Variants in HYAL4 observed in about 807,000 individuals in gnomAD.
HYAL4 encodes hyaluronidase-4.
Under a neutral mutation model 35.2 loss-of-function variants are expected in HYAL4, and 37 were observed. That is an observed-to-expected ratio of 1.05 (90% confidence interval 0.81 to 1.38). The LOEUF is 1.38. Among genes scored for constraint, HYAL4 ranks in the 40% most tolerant of loss-of-function variants. The pLI is 0.00. For missense variants in HYAL4, 572 were observed against 572.4 expected (o/e 1.00, Z 0.01); for synonymous variants, 198 against 203.2 (o/e 0.97, Z 0.22).
chr7:123,789,445 C>G, the HYAL4 span, among the ~76,000 whole-genome samples: 1 of 152,146 alleles, frequency 6.6e-6, no homozygotes, highest in African/African-American at 2.4e-5. Context: ...GACATACACT[C>G]TGACCAGGAG....
chr7:123,772,334 G>A, the HYAL4 span, among the ~76,000 whole-genome samples: 1 of 152,046 alleles, frequency 6.6e-6, no homozygotes, highest in Admixed American at 6.5e-5. Context: ...TAGATTCCCT[G>A]GGCAACCGCA....
chr7:123,819,833 ATAAT>A, the HYAL4 span, among the ~76,000 whole-genome samples: 1 of 152,180 alleles, frequency 6.6e-6, no homozygotes, highest in South Asian at 2.1e-4. Flanking sequence ...TTAAAAATGA[ATAAT>A]TATTTCATTT....
chr7:123,803,726 A>G, the HYAL4 span, among the ~76,000 whole-genome samples: 1 of 152,236 alleles, frequency 6.6e-6, no homozygotes, highest in South Asian at 2.1e-4. Context: ...AACTGCCTGC[A>G]GCAGATCTCC....
chr7:123,849,315 CTCTT>C (rs1470616287), intron 2 of HYAL4, among the ~76,000 whole-genome samples: 8 of 151,858 alleles, frequency 5.3e-5, no homozygotes, highest in Non-Finnish European at 8.8e-5. Context: ...CTTTCTCTCT[CTCTT>C]TGAGACAGGG....
At chr7:123,807,376 A>G in the HYAL4 span, among the ~76,000 whole-genome samples, 1 of 151,360 alleles carries the variant, frequency 6.6e-6, no homozygotes, top group Non-Finnish European at 1.5e-5. Context: ...TCATCATTAG[A>G]GTTCAAACTT....
chr7:123,786,713 G>GCCATCTATCTATCTAT, the HYAL4 span, among the ~76,000 whole-genome samples: 1 of 148,350 alleles, frequency 6.7e-6, no homozygotes, highest in Non-Finnish European at 1.5e-5. Context: ...TGTATCACAT[G>GCCATCTATCTATCTAT]CTATCTATCT....
At chr7:123,822,888 C>A in the HYAL4 span, among the ~76,000 whole-genome samples, 2 of 152,160 alleles carry the variant, frequency 1.3e-5, no homozygotes, top group African/African-American at 4.8e-5. Flanking sequence ...TGACTTGAAC[C>A]CAGGAGTTCA....
At chr7:123,776,952 A>G in the HYAL4 span, among the ~76,000 whole-genome samples, 5 of 152,230 alleles carry the variant, frequency 3.3e-5, no homozygotes, top group Non-Finnish European at 5.9e-5. Context: ...ACTACAGGCA[A>G]AATACCCCTG....
chr7:123,852,059 A>G (rs1806317355), intron 2 of HYAL4, among the ~76,000 whole-genome samples: 1 of 152,132 alleles, frequency 6.6e-6, no homozygotes, highest in African/African-American at 2.4e-5. Flanking sequence ...TTCTGATTAT[A>G]TCAGTTGCCC....
intron 3 of HYAL4, among the ~76,000 whole-genome samples, chr7:123,869,521 C>T (rs577425871): frequency 1.1e-4 from 16 of 152,206 alleles, no homozygotes; most frequent in Non-Finnish European, 1.3e-4. Context: ...CACTTACAAT[C>T]GGGCATTTTG....
the HYAL4 span, among the ~76,000 whole-genome samples, chr7:123,792,962 C>T: frequency 6.6e-6 from 1 of 152,152 alleles, no homozygotes; most frequent in Non-Finnish European, 1.5e-5. Flanking sequence ...GAGGTCCCTT[C>T]GGGCCAGCCT....
chr7:123,844,107 G>T (rs1405666010), upstream of HYAL4: 2 of 152,004 alleles, frequency 1.3e-5, no homozygotes, highest in African/African-American at 2.4e-5. Context: ...CAGCTTTTCT[G>T]CTCTGGTTTC....
chr7:123,826,759 A>G (rs907225673), upstream of HYAL4, among the ~76,000 whole-genome samples: 4 of 152,132 alleles, frequency 2.6e-5, no homozygotes, highest in East Asian at 1.9e-4. Flanking sequence ...TGTGGAGACT[A>G]GTTGGGAGGC....
chr7:123,831,271 T>C (rs540939817), intron 1 of HYAL4, among the ~76,000 whole-genome samples: 55 of 152,286 alleles, frequency 3.6e-4, no homozygotes, highest in Non-Finnish European at 1.2e-4. Context: ...TTCTCTGCCA[T>C]GCTGTGATGC....
the HYAL4 span, among the ~76,000 whole-genome samples, chr7:123,765,197 GATAA>G: frequency 6.6e-6 from 1 of 152,082 alleles, no homozygotes; most frequent in Non-Finnish European, 1.5e-5. Context: ...AGCTATCAGT[GATAA>G]ATAAAAAAAA....
the HYAL4 span, among the ~76,000 whole-genome samples, chr7:123,798,367 C>T: frequency 1.8e-4 from 27 of 152,076 alleles, no homozygotes; most frequent in Admixed American, 1.8e-3. Flanking sequence ...GTTCCTTCAT[C>T]CCATAAACAC....
the HYAL4 span, among the ~76,000 whole-genome samples, chr7:123,771,731 G>A: frequency 6.6e-6 from 1 of 151,608 alleles, no homozygotes. Context: ...ATTTCTGAGA[G>A]TGTCTGTGAG....
chr7:123,793,542 G>A, the HYAL4 span, among the ~76,000 whole-genome samples: 127 of 152,236 alleles, frequency 8.3e-4, 2 homozygotes, highest in Non-Finnish European at 1.6e-3. Context: ...CATGGGGGCC[G>A]TTAGCCTCAT....
rs998520942 is a variant in HYAL4 at position 123,832,406 on chromosome 7, C to T, written c.-257+3282C>T. Among the ~76,000 whole-genome samples, 4 of 148,500 alleles carry T rather than the reference C, an allele frequency of 2.7e-5. No individual in the cohort carries two copies. In the South Asian group the frequency reaches 6.5e-4, roughly 24 times the overall value. ...TCACCCGAGCAGTAATCACTGAACCCGATTTGTAGTCTTTTATCCCTGATC... is the reference window on the plus strand; with the variant it reads ...TCACCCGAGCAGTAATCACTGAACCTGATTTGTAGTCTTTTATCCCTGATC... On this transcript the variant is annotated intron_variant, in intron 1 of 4. Coordinates refer to the HYAL4 transcript ENST00000489978.
Sources: gnomAD v4.1 joint callset for allele counts (sites outside exome capture counted in the v4.1 genomes callset) on GRCh38, gnomAD v4.1.1 for gene constraint, MANE v1.5 for transcripts, NCBI Gene and HGNC (gene_info 2026-07-23, HGNC 2026-07-21) for gene names.